The following PATJ variants were observed in gnomAD, a reference collection of about 807,000 sequenced individuals.
The protein encoded by PATJ is PATJ crumbs cell polarity complex component, also known as inaD-like protein.
PATJ carries 190 observed loss-of-function variants against 224.9 expected under a neutral mutation model. The observed-to-expected ratio is 0.84, with a 90% CI of 0.75 to 0.95. The LOEUF is 0.95. Among genes scored for constraint, PATJ ranks in the 40% least tolerant of loss-of-function variants. The pLI is 0.00. For synonymous variants in PATJ, 769 were observed against 820.3 expected, an observed-to-expected ratio of 0.94 and a Z score of 1.07; for missense variants, 2,121 against 2,270.3, an observed-to-expected ratio of 0.93 and a Z score of 1.34.
At chr1:61,758,078 A>G (rs1371141354) in intron 1 of PATJ, among the ~76,000 whole-genome samples, 1 of 152,146 alleles carries the variant, frequency 6.6e-6, no homozygotes, top group Non-Finnish European at 1.5e-5. Context: ...CTCTGTGTTA[A>G]TGCAAAGGGT....
chr1:62,091,147 G>T (rs1237186356), intron 33 of PATJ, among the ~76,000 whole-genome samples: 1 of 151,630 alleles, frequency 6.6e-6, no homozygotes, highest in African/African-American at 2.4e-5. Context: ...ATCCCAGGCT[G>T]TGAATCCCAG....
At chr1:61,868,340 A>G (rs1557784760) in intron 20 of PATJ, among the ~76,000 whole-genome samples, 1 of 152,106 alleles carries the variant, frequency 6.6e-6, no homozygotes, top group Non-Finnish European at 1.5e-5. Context: ...ACCAAACACT[A>G]TTTTATTTTC....
At chr1:62,000,671 T>C (rs1290701215) in intron 28 of PATJ, among the ~76,000 whole-genome samples, 1 of 150,722 alleles carries the variant, frequency 6.6e-6, no homozygotes, top group Non-Finnish European at 1.5e-5. Context: ...TGTGCATGTG[T>C]CTTTATAGCA....
chr1:62,149,964 T>C (rs1668458184), intron 42 of PATJ, among the ~76,000 whole-genome samples: 1 of 152,212 alleles, frequency 6.6e-6, no homozygotes, highest in Non-Finnish European at 1.5e-5. Flanking sequence ...AACATGTCCC[T>C]GAGTATAGAT....
At chr1:62,009,942 G>A (rs1646330736) in intron 28 of PATJ, among the ~76,000 whole-genome samples, 1 of 151,778 alleles carries the variant, frequency 6.6e-6, no homozygotes, top group Non-Finnish European at 1.5e-5. Context: ...AATTAGCCTA[G>A]TGTGGTGGTG....
At chr1:61,791,049 C>T (rs1031300780) in intron 8 of PATJ, among the ~76,000 whole-genome samples, 1 of 152,224 alleles carries the variant, frequency 6.6e-6, no homozygotes, top group Non-Finnish European at 1.5e-5. Flanking sequence ...CTTCAAACCA[C>T]AAGTTGAGTC....
At chr1:62,134,328 C>A in intron 41 of PATJ, among the ~76,000 whole-genome samples, 1 of 77,216 alleles carries the variant, frequency 1.3e-5, no homozygotes. Context: ...ACCCAGCCCT[C>A]TCTTTTTTTT....
chr1:62,052,593 T>G (rs1653830526), intron 31 of PATJ, among the ~76,000 whole-genome samples: 1 of 151,728 alleles, frequency 6.6e-6, no homozygotes. Context: ...AATACAAAAA[T>G]TAGCTGGGCG....
At chr1:61,820,070 C>T (rs1264555464) in intron 14 of PATJ, among the ~76,000 whole-genome samples, 1 of 152,046 alleles carries the variant, frequency 6.6e-6, no homozygotes, top group African/African-American at 2.4e-5. Flanking sequence ...GAGATGGAGT[C>T]TCGCTCTGTC....
At chr1:62,148,120 TTAAAA>T (rs1463438281) in intron 41 of PATJ, among the ~76,000 whole-genome samples, 159 bp from the exon 42 acceptor site, 28 of 108,484 alleles carry the variant, frequency 2.6e-4, no homozygotes, top group African/African-American at 8.8e-4. Context: ...GACACTGTCT[TTAAAA>T]AAAAAAAAAA....
intron 13 of PATJ, 148 bp downstream of exon 13, chr1:61,805,672 A>AT (rs572271195): frequency 1.9e-5 from 11 of 584,568 alleles, no homozygotes; most frequent in South Asian, 4.6e-5. Flanking sequence ...GGATCAATCG[A>AT]TTTTTTTCCC....
intron 27 of PATJ, among the ~76,000 whole-genome samples, chr1:61,988,200 AAAAAT>A (rs560154179): frequency 7.7e-4 from 118 of 152,320 alleles, no homozygotes; most frequent in Middle Eastern, 3.4e-3. Flanking sequence ...CTTCATCTCA[AAAAAT>A]AAAATAAAAT....
At chr1:62,103,346 C>T (rs1662465994) in intron 33 of PATJ, among the ~76,000 whole-genome samples, 1 of 152,124 alleles carries the variant, frequency 6.6e-6, no homozygotes, top group African/African-American at 2.4e-5. Context: ...GTAAGTGGAA[C>T]TAATAACACT....
intron 27 of PATJ, among the ~76,000 whole-genome samples, chr1:61,981,939 G>A (rs904059103): frequency 6.6e-6 from 1 of 152,000 alleles, no homozygotes; most frequent in African/African-American, 2.4e-5. Flanking sequence ...AAAGTGCTGG[G>A]GTATCAGGCG....
At chr1:61,993,931 C>T (rs560362994) in intron 28 of PATJ, among the ~76,000 whole-genome samples, 7 of 152,206 alleles carry the variant, frequency 4.6e-5, no homozygotes, top group South Asian at 2.1e-4. Context: ...CTTTGACTTT[C>T]GGAATTTGGC....
At chr1:62,140,796 C>A (rs1365705132) in intron 41 of PATJ, among the ~76,000 whole-genome samples, 1 of 151,740 alleles carries the variant, frequency 6.6e-6, no homozygotes, top group African/African-American at 2.4e-5. Context: ...GTATTCCCAG[C>A]TACTGAGAAG....
intron 7 of PATJ, among the ~76,000 whole-genome samples, chr1:61,777,296 G>T (rs1646968178): frequency 6.6e-6 from 1 of 152,088 alleles, no homozygotes; most frequent in Non-Finnish European, 1.5e-5. Context: ...TGGGCGTGGT[G>T]GCTCATGCCT....
intron 26 of PATJ, among the ~76,000 whole-genome samples, chr1:61,919,184 T>G (rs1240337661): frequency 6.6e-6 from 1 of 152,170 alleles, no homozygotes; most frequent in African/African-American, 2.4e-5. Context: ...TTATATTGCC[T>G]TACTTCCTTG....
intron 14 of PATJ, among the ~76,000 whole-genome samples, chr1:61,809,218 C>T (rs1246045155): frequency 6.6e-6 from 1 of 152,038 alleles, no homozygotes; most frequent in Non-Finnish European, 1.5e-5. Context: ...GAGGCCAGGG[C>T]AATTGAAACT....
Sources: gnomAD v4.1 joint callset for allele counts (sites outside exome capture counted in the v4.1 genomes callset) on GRCh38, gnomAD v4.1.1 for gene constraint, MANE v1.5 for transcripts, NCBI Gene and HGNC (gene_info 2026-07-23, HGNC 2026-07-21) for gene names.